RBFOX1: variants seen among roughly 807,000 people sequenced by gnomAD.
RBFOX1 encodes RNA binding protein fox-1 homolog 1.
A neutral mutation model predicts 57.7 loss-of-function variants in RBFOX1; 8 were observed. That is an observed-to-expected ratio of 0.14 (90% CI 0.08 to 0.25). The LOEUF is 0.25. RBFOX1 is among the 10% of genes least tolerant of loss of function. The pLI is 1.00. For synonymous variants in RBFOX1, 326 were observed against 222.4 expected (o/e 1.47, Z -4.15); for missense variants, 611 against 548.5 (o/e 1.11, Z -1.14).
intron 4 of RBFOX1, among the ~76,000 whole-genome samples, chr16:7,275,736 G>T (rs1314232102): frequency 3.9e-5 from 6 of 152,206 alleles, no homozygotes; most frequent in Admixed American, 6.5e-5. Flanking sequence ...GATGGCATAT[G>T]CCACAAGCAT....
intron 2 of RBFOX1, among the ~76,000 whole-genome samples, chr16:6,654,322 C>G (rs1347954350): frequency 1.3e-5 from 2 of 152,190 alleles, no homozygotes; most frequent in Non-Finnish European, 2.9e-5. Context: ...TATGAGCTAT[C>G]AGTTCCTCTT....
intron 4 of RBFOX1, among the ~76,000 whole-genome samples, chr16:7,445,190 C>G (rs568384612): frequency 1.1e-3 from 173 of 152,012 alleles, no homozygotes; most frequent in Non-Finnish European, 4.4e-4. Context: ...AAGGATTAAA[C>G]AAAGGAAAGT....
At chr16:6,879,125 C>T (rs141428084) in intron 3 of RBFOX1, among the ~76,000 whole-genome samples, 73 of 152,304 alleles carry the variant, frequency 4.8e-4, no homozygotes, top group African/African-American at 1.6e-3. Context: ...GTTTGACCTT[C>T]ATTTCAGCAG....
At chr16:6,466,961 T>C (rs2095063177) in intron 2 of RBFOX1, among the ~76,000 whole-genome samples, 1 of 151,854 alleles carries the variant, frequency 6.6e-6, no homozygotes, top group East Asian at 1.9e-4. Context: ...AATTTAATAA[T>C]TTGTATTAAT....
intron 1 of RBFOX1, among the ~76,000 whole-genome samples, chr16:6,030,859 C>T (rs905546567): frequency 6.6e-6 from 1 of 152,140 alleles, no homozygotes; most frequent in African/African-American, 2.4e-5. Flanking sequence ...CTTTTTCATG[C>T]ATTCAGCAAA....
chr16:6,062,796 C>T (rs1036704514), intron 1 of RBFOX1, among the ~76,000 whole-genome samples: 4 of 151,876 alleles, frequency 2.6e-5, no homozygotes, highest in African/African-American at 9.7e-5. Flanking sequence ...GTCTCATGTG[C>T]TTCTAGGGGC....
chr16:7,414,918 C>G (rs569826589), intron 4 of RBFOX1, among the ~76,000 whole-genome samples: 2 of 152,290 alleles, frequency 1.3e-5, no homozygotes, highest in South Asian at 4.1e-4. Flanking sequence ...GGCGCCCAGC[C>G]CTTATTTCTA....
Position 5,467,121 on chromosome 16 carries a change from T to A in RBFOX1, c.220-95T>A, listed in dbSNP as rs1169151181. On this transcript the variant is annotated intron_variant, in intron 1 of 2. Coordinates refer to the RBFOX1 transcript ENST00000585867. ...AATGAATAAAACATTCTTTTTTAAA[T>A]CTAAGAGAAAAACAAAGCCAAAGCA... 16 of 1,312,856 alleles carry A rather than the reference T, an allele frequency of 1.2e-5. No homozygotes were observed. In the South Asian group the frequency reaches 1.6e-4, roughly 13 times the overall value. 81.3% of individuals were successfully genotyped at this position (1,312,856 alleles called of 1,614,324 possible).
intron 1 of RBFOX1, among the ~76,000 whole-genome samples, chr16:5,296,619 A>G (rs1336002693): frequency 6.7e-6 from 1 of 149,818 alleles, no homozygotes; most frequent in Non-Finnish European, 1.5e-5. Flanking sequence ...CCTTTCTGAC[A>G]TTTTGTATTC....
intron 2 of RBFOX1, among the ~76,000 whole-genome samples, chr16:6,362,753 T>C (rs1438094334): frequency 2.6e-5 from 4 of 152,158 alleles, no homozygotes; most frequent in South Asian, 2.1e-4. Flanking sequence ...TGTGGGGAGA[T>C]GGATGGCTTA....
chr16:5,608,252 C>G (rs147457497), intron 3 of RBFOX1, among the ~76,000 whole-genome samples: 1 of 152,136 alleles, frequency 6.6e-6, no homozygotes, highest in African/African-American at 2.4e-5. Context: ...CACTTTGAGT[C>G]TCAGCTGACT....
At chr16:7,549,859 A>G (rs2152538002) in intron 5 of RBFOX1, among the ~76,000 whole-genome samples, 1 of 152,302 alleles carries the variant, frequency 6.6e-6, no homozygotes, top group Non-Finnish European at 1.5e-5. Flanking sequence ...CACACGCAGG[A>G]GCAGTACTTT....
chr16:7,296,362 G>C (rs2095890388), intron 4 of RBFOX1, among the ~76,000 whole-genome samples: 1 of 148,492 alleles, frequency 6.7e-6, no homozygotes, highest in Admixed American at 6.8e-5. Flanking sequence ...ATGTATGAAT[G>C]TACTACCTTG....
intron 4 of RBFOX1, among the ~76,000 whole-genome samples, chr16:7,223,212 G>A (rs901292343): frequency 2.0e-5 from 3 of 152,208 alleles, no homozygotes; most frequent in Non-Finnish European, 2.9e-5. Flanking sequence ...CAGCCTAAGA[G>A]CTCAAGTTCA....
At chr16:5,691,592 C>T (rs1460539758) in intron 3 of RBFOX1, among the ~76,000 whole-genome samples, 1 of 152,110 alleles carries the variant, frequency 6.6e-6, no homozygotes, top group Non-Finnish European at 1.5e-5. Context: ...GAATATTTTG[C>T]ATTATACTTA....
chr16:6,142,802 C>G (rs1384104082), intron 1 of RBFOX1, among the ~76,000 whole-genome samples: 2 of 152,178 alleles, frequency 1.3e-5, no homozygotes, highest in East Asian at 1.9e-4. Context: ...TAGCTGAGAT[C>G]TCCTCCTGTC....
At position 6,300,410 on chromosome 16, in the gene RBFOX1, A is replaced by G. The variant is rs554973524; in HGVS notation, c.-126-16585A>G. On this transcript the variant is annotated intron_variant, in intron 1 of 15. Coordinates refer to ENST00000550418, the MANE Select transcript of RBFOX1 (RefSeq NM_018723.4). Reference sequence around the variant, plus strand: ...CCACAGTGTATACATATTTCAAAACATCATGTTGTACACCATAAATATACA... The same window carrying G: ...CCACAGTGTATACATATTTCAAAACGTCATGTTGTACACCATAAATATACA... Among the ~76,000 whole-genome samples, 251 of 152,342 alleles carry G rather than the reference A, an allele frequency of 1.6e-3. 2 individuals are homozygous for G. Among genetic ancestry groups the G allele is most frequent in the African/African-American group, 5.7e-3 (237 of 41,586 alleles).
intron 4 of RBFOX1, among the ~76,000 whole-genome samples, chr16:7,389,501 G>A (rs2097952656): frequency 6.6e-6 from 1 of 152,062 alleles, no homozygotes; most frequent in African/African-American, 2.4e-5. Flanking sequence ...TCTTTGTTCT[G>A]GACTCCAGGA....
chr16:6,331,451 G>T (rs1021260933), intron 2 of RBFOX1, among the ~76,000 whole-genome samples: 2 of 151,864 alleles, frequency 1.3e-5, no homozygotes, highest in Non-Finnish European at 2.9e-5. Context: ...AAAAGTCTGG[G>T]AGGGAAGGAT....
Sources: allele counts gnomAD v4.1 joint callset (sites outside exome capture counted in the v4.1 genomes callset), GRCh38; gene constraint gnomAD v4.1.1; transcripts MANE v1.5; gene names NCBI Gene and HGNC (gene_info 2026-07-23, HGNC 2026-07-21).